AXDND1: variants seen among roughly 807,000 people sequenced by gnomAD.
The protein encoded by AXDND1 is axonemal dynein light chain domain-containing protein 1.
AXDND1 carries 110 observed loss-of-function variants against 137.5 expected under a neutral mutation model. That is an observed-to-expected ratio of 0.80 (90% confidence interval 0.69 to 0.94). The LOEUF (loss-of-function observed/expected upper bound fraction) is 0.94, where lower values mean the gene tolerates loss of function less well. Among genes scored for constraint, AXDND1 ranks in the 40% least tolerant of loss-of-function variants. The probability of loss-of-function intolerance (pLI) is 0.00; values close to 1 mark genes in which losing one functional copy is unlikely to be tolerated. For synonymous variants in AXDND1, 414 were observed against 399.7 expected (o/e 1.04, Z -0.43); for missense variants, 1,191 against 1,169.8 (o/e 1.02, Z -0.26).
chr1:179,435,187 A>G (rs1558174668), intron 15 of AXDND1, among the ~76,000 whole-genome samples: 1 of 152,198 alleles, frequency 6.6e-6, no homozygotes, highest in African/African-American at 2.4e-5. Context: ...TCAAGGAAAT[A>G]AGAGAGAACT....
At chr1:179,479,553 G>A (rs567425110) in intron 17 of AXDND1, among the ~76,000 whole-genome samples, 10 of 151,550 alleles carry the variant, frequency 6.6e-5, no homozygotes, top group South Asian at 6.3e-4. Flanking sequence ...TGAGGTGGGC[G>A]GATCACGAGG....
chr1:179,378,193 C>G (rs533693685), intron 4 of AXDND1, among the ~76,000 whole-genome samples: 4 of 151,754 alleles, frequency 2.6e-5, no homozygotes, highest in Non-Finnish European at 5.9e-5. Context: ...ATGATAATAA[C>G]AATCACAACA....
chr1:179,521,166 C>T (rs1670028432), intron 21 of AXDND1, among the ~76,000 whole-genome samples: 1 of 152,050 alleles, frequency 6.6e-6, no homozygotes, highest in Middle Eastern at 3.4e-3. Flanking sequence ...GCTATGTTGC[C>T]TAGGCTGGCT....
intron 12 of AXDND1, among the ~76,000 whole-genome samples, chr1:179,412,337 C>T (rs1654024836): frequency 6.6e-6 from 1 of 152,068 alleles, no homozygotes; most frequent in South Asian, 2.1e-4. Context: ...GAATTTTGAT[C>T]CTCAAAAGAT....
intron 12 of AXDND1, among the ~76,000 whole-genome samples, chr1:179,412,861 G>C (rs541319745): frequency 6.6e-6 from 1 of 152,262 alleles, no homozygotes; most frequent in South Asian, 2.1e-4. Context: ...CCTGTTCTCA[G>C]TCTTATGGGG....
chr1:179,398,777 C>T (rs898654220), intron 11 of AXDND1, among the ~76,000 whole-genome samples: 1 of 151,676 alleles, frequency 6.6e-6, no homozygotes, highest in African/African-American at 2.4e-5. Flanking sequence ...AGGAGTGTTG[C>T]CACTAAGGGC....
At position 179,483,231 on chromosome 1, in the gene AXDND1, T is replaced by TA. The variant is rs1400245784; in HGVS notation, c.2091+10_2091+11insA. ...TGAACTTCAGCACCACGTATGTACT[T>TA]GTAAGGGTTTTTGACGTTATATTTT... On this transcript the variant is annotated intron_variant, in intron 18 of 25. Transcript: ENST00000367618. 1 of 1,570,310 alleles carries TA rather than the reference T, an allele frequency of 6.4e-7. No homozygotes were observed. The highest frequency in any genetic ancestry group is 1.4e-5 in the African/African-American group (1 of 73,270).
chr1:179,483,821 A>G (rs2125544264), intron 18 of AXDND1, among the ~76,000 whole-genome samples: 1 of 152,328 alleles, frequency 6.6e-6, no homozygotes, highest in Admixed American at 6.5e-5. Flanking sequence ...TGTAAACTCC[A>G]TGAGGAATTA....
At chr1:179,447,885 G>C (rs1232309611) in intron 16 of AXDND1, 4 of 1,351,420 alleles carry the variant, frequency 3.0e-6, no homozygotes, top group Non-Finnish European at 4.2e-6. Context: ...GAGCTCCAGG[G>C]GACACATTTC....
chr1:179,447,783 C>G, intron 16 of AXDND1: 1 of 1,312,062 alleles, frequency 7.6e-7, no homozygotes, highest in South Asian at 1.2e-5. Context: ...CAAATTCATT[C>G]CCCACTGGGC....
chr1:179,486,458 C>T (rs1666093748), intron 18 of AXDND1, among the ~76,000 whole-genome samples: 1 of 149,722 alleles, frequency 6.7e-6, no homozygotes, highest in Non-Finnish European at 1.5e-5. Context: ...GGCCAACATT[C>T]AAATTCAGGA....
chr1:179,448,931 G>C (rs1660121148), intron 16 of AXDND1: 1 of 222,906 alleles, frequency 4.5e-6, no homozygotes, highest in South Asian at 4.8e-5. Context: ...GTGTCATGTA[G>C]GGTGGAGTGC....
chr1:179,410,270 G>A (rs56145419), intron 11 of AXDND1, among the ~76,000 whole-genome samples: 16,093 of 151,956 alleles, frequency 0.11, 972 homozygotes, highest in African/African-American at 0.14. Context: ...TTTTTCTGTC[G>A]CCCAGTCTGG....
At chr1:179,431,778 C>T (rs916917792) in intron 14 of AXDND1, among the ~76,000 whole-genome samples, 4 of 152,044 alleles carry the variant, frequency 2.6e-5, no homozygotes, top group African/African-American at 4.8e-5. Context: ...GAGGTGTGCA[C>T]GGGTGGCCAT....
intron 11 of AXDND1, among the ~76,000 whole-genome samples, chr1:179,395,834 T>G (rs997447241): frequency 6.6e-6 from 1 of 152,174 alleles, no homozygotes; most frequent in African/African-American, 2.4e-5. Flanking sequence ...GTCATACTTG[T>G]TTCACACCCC....
At chr1:179,385,096 G>T in intron 8 of AXDND1, 142 bp from the exon 9 acceptor site, 1 of 754,522 alleles carries the variant, frequency 1.3e-6, no homozygotes, top group Non-Finnish European at 2.1e-6. Flanking sequence ...TATCACTTTT[G>T]TATATATATA....
chr1:179,479,015 G>A (rs11589032), intron 17 of AXDND1, among the ~76,000 whole-genome samples: 69,283 of 151,390 alleles, frequency 0.46, 16,694 homozygotes, highest in East Asian at 0.76. Context: ...CAGGAGAATC[G>A]CTTGAACCTG....
intron 21 of AXDND1, among the ~76,000 whole-genome samples, chr1:179,512,465 G>A (rs182226584): frequency 2.6e-5 from 4 of 152,236 alleles, no homozygotes; most frequent in African/African-American, 7.2e-5. Context: ...GGTTACTATG[G>A]CCTTATAGTA....
At chr1:179,510,013 T>A (rs1668883195) in intron 21 of AXDND1, among the ~76,000 whole-genome samples, 1 of 152,166 alleles carries the variant, frequency 6.6e-6, no homozygotes, top group Non-Finnish European at 1.5e-5. Context: ...TATCTTCAAT[T>A]TTGTATTTAA....
Sources: gnomAD v4.1 joint callset for allele counts (sites outside exome capture counted in the v4.1 genomes callset) on GRCh38, gnomAD v4.1.1 for gene constraint, MANE v1.5 for transcripts, NCBI Gene and HGNC (gene_info 2026-07-23, HGNC 2026-07-21) for gene names.